The following RBFOX1 variants were observed in gnomAD, a reference collection of about 807,000 sequenced individuals.
RBFOX1 encodes RNA binding fox-1 homolog 1.
Under a neutral mutation model 57.7 loss-of-function variants are expected in RBFOX1, and 8 were observed. The ratio of observed to expected loss-of-function variants is 0.14; its 90% CI spans 0.08 to 0.25. The LOEUF (loss-of-function observed/expected upper bound fraction) is 0.25. Ranked by LOEUF, RBFOX1 falls within the 10% of genes least tolerant of loss-of-function variation. The pLI is 1.00. For missense variants in RBFOX1, 611 were observed against 548.5 expected (o/e 1.11, Z -1.14); for synonymous variants, 326 against 222.4 (o/e 1.47, Z -4.15).
intron 2 of RBFOX1, among the ~76,000 whole-genome samples, chr16:5,591,703 A>G (rs2047014040): frequency 6.6e-6 from 1 of 152,192 alleles, no homozygotes; most frequent in Non-Finnish European, 1.5e-5. Context: ...CCGTCATTCC[A>G]TATAAAGCTA....
chr16:6,729,178 C>G (rs77381324), intron 3 of RBFOX1, among the ~76,000 whole-genome samples: 3 of 151,962 alleles, frequency 2.0e-5, no homozygotes, highest in Non-Finnish European at 4.4e-5. Context: ...ATCTGTCTTT[C>G]CAAAATAGAC....
At chr16:7,507,364 A>G (rs1369532875) in intron 4 of RBFOX1, among the ~76,000 whole-genome samples, 2 of 152,084 alleles carry the variant, frequency 1.3e-5, no homozygotes, top group African/African-American at 2.4e-5. Context: ...TGTTGGTATG[A>G]TGATCCCCTA....
intron 4 of RBFOX1, among the ~76,000 whole-genome samples, chr16:7,200,562 A>G (rs1031463642): frequency 6.6e-6 from 1 of 152,194 alleles, no homozygotes; most frequent in African/African-American, 2.4e-5. Context: ...GCTCGAGGAA[A>G]AACATTCAAG....
At chr16:5,371,019 C>A (rs1312457038) in intron 1 of RBFOX1, among the ~76,000 whole-genome samples, 1 of 152,238 alleles carries the variant, frequency 6.6e-6, no homozygotes, top group Non-Finnish European at 1.5e-5. Context: ...ACGATCTTGG[C>A]TCACTGCAAC....
At chr16:7,054,502 A>T (rs2051374693) in intron 4 of RBFOX1, among the ~76,000 whole-genome samples, 1 of 130,588 alleles carries the variant, frequency 7.7e-6, no homozygotes, top group African/African-American at 2.7e-5. Context: ...CGGCCCCCCA[A>T]GGTGATGGGA....
chr16:6,925,564 C>G (rs2075421601), intron 3 of RBFOX1, among the ~76,000 whole-genome samples: 15 of 151,858 alleles, frequency 9.9e-5, no homozygotes, highest in Admixed American at 8.5e-4. Flanking sequence ...TGACATAGCT[C>G]TAGCATTAAG....
intron 1 of RBFOX1, among the ~76,000 whole-genome samples, chr16:6,069,967 A>G (rs2095815965): frequency 6.6e-6 from 1 of 152,204 alleles, no homozygotes; most frequent in South Asian, 2.1e-4. Context: ...AGCCTGGGTG[A>G]CAGAGGGAGA....
chr16:6,563,024 A>T (rs1300730823), intron 2 of RBFOX1, among the ~76,000 whole-genome samples: 13 of 151,300 alleles, frequency 8.6e-5, no homozygotes, highest in Non-Finnish European at 1.9e-4. Flanking sequence ...CATGTGTTCA[A>T]TGTCATTTGC....
At chr16:5,948,114 G>T (rs1406724656) in intron 4 of RBFOX1, among the ~76,000 whole-genome samples, 5 of 152,034 alleles carry the variant, frequency 3.3e-5, no homozygotes, top group African/African-American at 2.4e-5. Context: ...AAGAAAGGAA[G>T]TGCAGTTGAA....
chr16:6,603,561 A>T (rs777342932), intron 2 of RBFOX1, among the ~76,000 whole-genome samples: 17 of 152,144 alleles, frequency 1.1e-4, no homozygotes, highest in Non-Finnish European at 2.5e-4. Flanking sequence ...TCCACACTCC[A>T]TGATTCTGAG....
At chr16:7,167,979 A>G (rs1239363063) in intron 4 of RBFOX1, among the ~76,000 whole-genome samples, 1 of 152,148 alleles carries the variant, frequency 6.6e-6, no homozygotes, top group Admixed American at 6.5e-5. Flanking sequence ...ACAGCGCAGA[A>G]CCACACAAGG....
At chr16:5,601,991 T>C (rs868700218), downstream of RBFOX1, among the ~76,000 whole-genome samples, 18 of 152,190 alleles carry the variant, frequency 1.2e-4, no homozygotes, top group Admixed American at 6.5e-4. Flanking sequence ...GTTTCTCCTC[T>C]GGAGGCTGTA....
chr16:6,555,996 A>G (rs1041480530), intron 2 of RBFOX1, among the ~76,000 whole-genome samples: 2 of 152,074 alleles, frequency 1.3e-5, no homozygotes, highest in South Asian at 2.1e-4. Flanking sequence ...AACCGACTAC[A>G]TTTTTTTGTC....
chr16:5,952,837 C>G (rs1053408060), intron 4 of RBFOX1, among the ~76,000 whole-genome samples: 12 of 152,108 alleles, frequency 7.9e-5, no homozygotes, highest in Non-Finnish European at 1.5e-4. Context: ...ACCAGAGTAA[C>G]CCGAGACTTG....
At chr16:5,518,012 A>G (rs547059080) in intron 2 of RBFOX1, among the ~76,000 whole-genome samples, 62 of 152,026 alleles carry the variant, frequency 4.1e-4, no homozygotes, top group Admixed American at 8.5e-4. Context: ...GTGTTGACTT[A>G]AATTATTCAA....
intron 2 of RBFOX1, among the ~76,000 whole-genome samples, chr16:6,646,039 C>G (rs1327272717): frequency 1.3e-5 from 2 of 152,190 alleles, no homozygotes; most frequent in East Asian, 3.9e-4. Context: ...GAAGGGCTGC[C>G]TTCTGTCGGG....
intron 3 of RBFOX1, among the ~76,000 whole-genome samples, chr16:6,826,504 T>C (rs73534607): frequency 0.024 from 3,592 of 152,270 alleles, 146 homozygotes; most frequent in African/African-American, 0.081. Context: ...TGGTATACAA[T>C]AAGCGTTCCA....
At chr16:6,375,809 T>A (rs1488885040) in intron 2 of RBFOX1, among the ~76,000 whole-genome samples, 4 of 152,116 alleles carry the variant, frequency 2.6e-5, no homozygotes, top group Non-Finnish European at 5.9e-5. Context: ...GAACAGGCAT[T>A]TCCCTATCCC....
intron 4 of RBFOX1, among the ~76,000 whole-genome samples, chr16:7,299,442 A>G (rs770895218): frequency 2.0e-5 from 3 of 152,168 alleles, no homozygotes; most frequent in African/African-American, 4.8e-5. Context: ...CTAGAAAGCT[A>G]GAGGAGTTTG....
Sources: gnomAD v4.1 joint callset for allele counts (sites outside exome capture counted in the v4.1 genomes callset) on GRCh38, gnomAD v4.1.1 for gene constraint, MANE v1.5 for transcripts, NCBI Gene and HGNC (gene_info 2026-07-23, HGNC 2026-07-21) for gene names.